The following LAPTM4B variants were observed in gnomAD, a reference collection of about 807,000 sequenced individuals.
LAPTM4B encodes the protein lysosomal-associated transmembrane protein 4B.
LAPTM4B carries 26 observed loss-of-function variants against 28.5 expected under a neutral mutation model. That is an observed-to-expected ratio of 0.91 (90% CI 0.67 to 1.27). LAPTM4B has a LOEUF of 1.27. Ranked by LOEUF, LAPTM4B falls within the 50% of genes most tolerant of loss-of-function variation. The pLI, the probability that LAPTM4B is intolerant of heterozygous loss-of-function variation, is 0.00. For synonymous variants in LAPTM4B, 109 were observed against 106.4 expected, an observed-to-expected ratio of 1.02 and a Z score of -0.15; for missense variants, 288 against 285.8, an observed-to-expected ratio of 1.01 and a Z score of -0.06.
chr8:97,785,926 A>C (rs913746304), intron 1 of LAPTM4B, among the ~76,000 whole-genome samples: 2 of 152,234 alleles, frequency 1.3e-5, no homozygotes, highest in African/African-American at 4.8e-5. Flanking sequence ...AACTTAGCAT[A>C]AAGTATTAAG....
At chr8:97,817,054 T>C (rs1396198914) in intron 4 of LAPTM4B, among the ~76,000 whole-genome samples, 1 of 152,202 alleles carries the variant, frequency 6.6e-6, no homozygotes, top group African/African-American at 2.4e-5. Context: ...GGGACTAGTT[T>C]ACGGTTAAAT....
At chr8:97,787,287 C>CTTTTTT (rs777122592) in intron 1 of LAPTM4B, among the ~76,000 whole-genome samples, 1 of 129,570 alleles carries the variant, frequency 7.7e-6, no homozygotes. Flanking sequence ...ATGTTTCTTT[C>CTTTTTT]TTTTTTTTTT....
chr8:97,793,183 C>T (rs534513941), intron 1 of LAPTM4B, among the ~76,000 whole-genome samples: 29 of 152,012 alleles, frequency 1.9e-4, no homozygotes, highest in Non-Finnish European at 4.1e-4. Flanking sequence ...TAGCATTGTG[C>T]CTGGCATATA....
chr8:97,842,168 G>A (rs1817357643), intron 6 of LAPTM4B, among the ~76,000 whole-genome samples: 1 of 152,190 alleles, frequency 6.6e-6, no homozygotes, highest in South Asian at 2.1e-4. Flanking sequence ...TCCCGATAAA[G>A]CTTTACTTAC....
chr8:97,785,839 T>G (rs1460961159), intron 1 of LAPTM4B, among the ~76,000 whole-genome samples: 2 of 152,200 alleles, frequency 1.3e-5, no homozygotes, highest in African/African-American at 4.8e-5. Flanking sequence ...TAGAAAGTGA[T>G]TGCTGTATCG....
chr8:97,781,299 T>TTTTTA (rs1816308263), intron 1 of LAPTM4B, among the ~76,000 whole-genome samples: 2 of 139,532 alleles, frequency 1.4e-5, no homozygotes, highest in Non-Finnish European at 3.1e-5. Context: ...TTTTTTTTTT[T>TTTTTA]GAGGAGTTTT....
intron 1 of LAPTM4B, among the ~76,000 whole-genome samples, chr8:97,781,500 A>G (rs1242058464): frequency 1.5e-5 from 2 of 136,052 alleles, no homozygotes; most frequent in African/African-American, 5.6e-5. Context: ...CTGGTCTTGA[A>G]CTCCTGACCT....
At chr8:97,787,386 C>T (rs897249787) in intron 1 of LAPTM4B, among the ~76,000 whole-genome samples, 16 of 151,206 alleles carry the variant, frequency 1.1e-4, no homozygotes, top group East Asian at 9.8e-4. Flanking sequence ...CCCAGGTTCA[C>T]GCCATTCTCC....
chr8:97,852,158 G>A lies in LAPTM4B; in HGVS notation c.*684G>A, dbSNP rs937661571. 6.6e-6 allele frequency: 1 copy of A among 152,566 alleles called. No individual in the cohort carries two copies. The highest frequency in any genetic ancestry group is 1.5e-5 in the Non-Finnish European group (1 of 68,354). 9.5% of individuals were successfully genotyped at this position (152,566 alleles called of 1,614,324 possible). A position where few individuals can be genotyped will look rare whatever the true frequency, so the allele number is the denominator to read the frequency against. ...GGTGACATGCCTCGTATGTGTTAGA[G>A]GGTGGAATGGATGTGTTTGGCGCTG... On this transcript the variant is annotated 3_prime_UTR_variant, in exon 7 of 7. Coordinates refer to ENST00000521545, the MANE Select transcript of LAPTM4B (RefSeq NM_018407.6).
intron 1 of LAPTM4B, among the ~76,000 whole-genome samples, chr8:97,777,308 A>G (rs1266469817): frequency 6.6e-6 from 1 of 151,414 alleles, no homozygotes; most frequent in Non-Finnish European, 1.5e-5. Flanking sequence ...CACTATGCCT[A>G]GCTAATTTTT....
intron 6 of LAPTM4B, among the ~76,000 whole-genome samples, chr8:97,826,106 A>G (rs757522093): frequency 3.9e-5 from 6 of 152,226 alleles, no homozygotes; most frequent in Non-Finnish European, 7.3e-5. Context: ...TGTGTATAAA[A>G]TGAGACTAAA....
intron 2 of LAPTM4B, among the ~76,000 whole-genome samples, chr8:97,809,286 G>C (rs1486579676): frequency 6.6e-6 from 1 of 152,198 alleles, no homozygotes; most frequent in African/African-American, 2.4e-5. Flanking sequence ...CCCGCTACTG[G>C]AATTGTGTAG....
At chr8:97,832,839 T>A (rs1481015572) in intron 6 of LAPTM4B, among the ~76,000 whole-genome samples, 5 of 149,956 alleles carry the variant, frequency 3.3e-5, no homozygotes, top group Admixed American at 1.3e-4. Flanking sequence ...TCTGAGTAGC[T>A]GGGATTACAG....
At position 97,776,093 on chromosome 8, in the gene LAPTM4B, C is replaced by A. The variant is rs199794162; in HGVS notation, c.84C>A (p.Leu28=). 1,692 of 1,582,374 alleles carry A rather than the reference C, an allele frequency of 1.1e-3. 27 individuals are homozygous for A. The Admixed American group carries it at 0.024, about 22-fold the overall frequency. The change falls in exon 1 of 7, where the codon CTC becomes CTA. Residue 28 remains leucine, a synonymous_variant. Coordinates refer to ENST00000521545, the MANE Select transcript of LAPTM4B (RefSeq NM_018407.6). ...CCHVRTGTIL[L]GVWYLIINAV... ...ATGTCCGCACCGGCACCATCCTGCT[C>A]GGCGTCTGGTATCTGGTGAGCGCGG...
chr8:97,779,983 A>C (rs1352709578), intron 1 of LAPTM4B, among the ~76,000 whole-genome samples: 3 of 149,988 alleles, frequency 2.0e-5, no homozygotes, highest in Non-Finnish European at 4.4e-5. Flanking sequence ...CCCAGGTGGC[A>C]GAGGTTGCCG....
intron 6 of LAPTM4B, among the ~76,000 whole-genome samples, chr8:97,850,547 G>A (rs1817509062): frequency 6.8e-6 from 1 of 148,118 alleles, no homozygotes; most frequent in Non-Finnish European, 1.5e-5. Flanking sequence ...TCTAGTAGGA[G>A]CTAAAGGGAC....
At chr8:97,782,002 C>CA (rs1444766170) in intron 1 of LAPTM4B, among the ~76,000 whole-genome samples, 1 of 145,416 alleles carries the variant, frequency 6.9e-6, no homozygotes, top group East Asian at 2.0e-4. Context: ...TTTTTTGAGA[C>CA]AGAGTTTAGC....
At chr8:97,789,366 G>T (rs1023620003) in intron 1 of LAPTM4B, among the ~76,000 whole-genome samples, 1 of 129,062 alleles carries the variant, frequency 7.7e-6, no homozygotes. Flanking sequence ...GAGCCACCAC[G>T]CCTGGCCTGT....
Position 97,794,131 on chromosome 8 carries a change from C to T in LAPTM4B, c.100-11222C>T, listed in dbSNP as rs191773345. Among the ~76,000 whole-genome samples, 5 of 152,196 alleles carry T rather than the reference C, an allele frequency of 3.3e-5. No individual in the cohort carries two copies. The East Asian group carries it at 9.7e-4, about 29-fold the overall frequency. ...AGTAGCTGGGATTACCAGCACCTGC[C>T]ATCACACCTGGCTAATTTTTGTATT... is the stretch of plus-strand genomic sequence containing the variant. On this transcript the variant is annotated intron_variant, in intron 1 of 6. Coordinates refer to ENST00000521545, the MANE Select transcript of LAPTM4B (RefSeq NM_018407.6).
Sources: gnomAD v4.1 joint callset for allele counts (sites outside exome capture counted in the v4.1 genomes callset) on GRCh38, gnomAD v4.1.1 for gene constraint, MANE v1.5 for transcripts, NCBI Gene and HGNC (gene_info 2026-07-23, HGNC 2026-07-21) for gene names.